The following USP10 variants were observed in gnomAD, a reference collection of about 807,000 sequenced individuals.
The protein encoded by USP10 is ubiquitin carboxyl-terminal hydrolase 10.
USP10 carries 22 observed loss-of-function variants against 84.5 expected under a neutral mutation model. The observed-to-expected ratio is 0.26, with a 90% CI of 0.19 to 0.37. The LOEUF is 0.37. Ranked by LOEUF, USP10 falls within the 10% of genes least tolerant of loss-of-function variation. The pLI is 1.00. For synonymous variants in USP10, 454 were observed against 387.6 expected, an observed-to-expected ratio of 1.17 and a Z score of -2.01; for missense variants, 1,019 against 998.9, an observed-to-expected ratio of 1.02 and a Z score of -0.27.
intron 1 of USP10, among the ~76,000 whole-genome samples, chr16:84,701,952 T>A (rs1904923125): frequency 6.6e-6 from 1 of 150,498 alleles, no homozygotes; most frequent in African/African-American, 2.4e-5. Flanking sequence ...TTTTTTTTTT[T>A]TTGAGTTGGA....
At chr16:84,710,735 G>C (rs1259971472) in intron 1 of USP10, among the ~76,000 whole-genome samples, 3 of 152,160 alleles carry the variant, frequency 2.0e-5, no homozygotes, top group Admixed American at 6.5e-5. Context: ...TTAGGTTTGT[G>C]ATCCTCGAGT....
chr16:84,733,287 G>C (rs973873658), intron 1 of USP10, 148 bp from the exon 2 acceptor site: 5 of 635,752 alleles, frequency 7.9e-6, no homozygotes, highest in South Asian at 1.9e-5. Context: ...CTAGAACTCT[G>C]AGTTGCAGAT....
At chr16:84,762,246 G>A (rs1913291274) in intron 8 of USP10, among the ~76,000 whole-genome samples, 1 of 152,228 alleles carries the variant, frequency 6.6e-6, no homozygotes, top group Non-Finnish European at 1.5e-5. Flanking sequence ...CATCATCAAA[G>A]ACAGACAGAA....
At chr16:84,757,293 A>G (rs912208030) in intron 4 of USP10, among the ~76,000 whole-genome samples, 3 of 152,144 alleles carry the variant, frequency 2.0e-5, no homozygotes, top group African/African-American at 4.8e-5. Context: ...AGAATCTGTA[A>G]TATTTTACTT....
intron 1 of USP10, among the ~76,000 whole-genome samples, chr16:84,727,614 C>A (rs533855040): frequency 6.6e-6 from 1 of 152,328 alleles, no homozygotes; most frequent in African/African-American, 2.4e-5. Flanking sequence ...TTTGCTTAAT[C>A]ATTTGTGTGT....
intron 1 of USP10, chr16:84,704,633 G>T: frequency 7.3e-7 from 1 of 1,368,494 alleles, no homozygotes; most frequent in Non-Finnish European, 9.6e-7. Context: ...TATGTGTATA[G>T]TATTTGTTTC....
At chr16:84,705,206 G>A (rs1209562319) in intron 1 of USP10, among the ~76,000 whole-genome samples, 1 of 151,908 alleles carries the variant, frequency 6.6e-6, no homozygotes, top group Non-Finnish European at 1.5e-5. Flanking sequence ...AAAGGTGAGT[G>A]TCCCCACTCC....
chr16:84,766,694 A>C (rs1913902209), intron 10 of USP10, among the ~76,000 whole-genome samples: 1 of 152,194 alleles, frequency 6.6e-6, no homozygotes, highest in Non-Finnish European at 1.5e-5. Context: ...GTCCATTTGG[A>C]GGACTTGCTG....
At chr16:84,742,870 C>G (rs1043485719) in intron 3 of USP10, among the ~76,000 whole-genome samples, 2 of 152,188 alleles carry the variant, frequency 1.3e-5, no homozygotes, top group South Asian at 2.1e-4. Context: ...ACATCACATT[C>G]TAGAATGTTT....
intron 1 of USP10, among the ~76,000 whole-genome samples, chr16:84,705,947 C>G (rs1268420575): frequency 6.6e-6 from 1 of 151,978 alleles, no homozygotes; most frequent in South Asian, 2.1e-4. Flanking sequence ...GTGTGGAACT[C>G]CTCACCTCAG....
chr16:84,708,918 C>G (rs1370837942), intron 1 of USP10: 1 of 152,202 alleles, frequency 6.6e-6, no homozygotes, highest in East Asian at 1.9e-4. Context: ...GAGAGAATTC[C>G]TGTGCTTTAG....
intron 2 of USP10, among the ~76,000 whole-genome samples, chr16:84,734,764 A>G (rs1267432876): frequency 6.6e-6 from 1 of 152,092 alleles, no homozygotes; most frequent in Non-Finnish European, 1.5e-5. Context: ...AAAAGTTTTC[A>G]GATTTTGTTT....
chr16:84,702,043 CTCTTTT>C (rs1340452007), intron 1 of USP10, among the ~76,000 whole-genome samples: 1 of 58,662 alleles, frequency 1.7e-5, no homozygotes, highest in African/African-American at 6.4e-5. Context: ...TGGAGTTTCG[CTCTTTT>C]TTTTTTTTTT....
intron 1 of USP10, among the ~76,000 whole-genome samples, chr16:84,721,760 C>T (rs1233641157): frequency 1.3e-5 from 2 of 152,036 alleles, no homozygotes; most frequent in African/African-American, 4.8e-5. Flanking sequence ...TGCAGTGGCG[C>T]GATCACAGCT....
At chr16:84,720,612 C>T (rs1455934364) in intron 1 of USP10, among the ~76,000 whole-genome samples, 12 of 92,472 alleles carry the variant, frequency 1.3e-4, no homozygotes, top group Admixed American at 3.9e-4. Flanking sequence ...GATGGAGCCT[C>T]GCTGTGTTGC....
At chr16:84,769,257 G>A (rs1168007194) in intron 11 of USP10, among the ~76,000 whole-genome samples, 1 of 152,180 alleles carries the variant, frequency 6.6e-6, no homozygotes, top group Non-Finnish European at 1.5e-5. Context: ...ATCTATCCTT[G>A]GCTTATCTTG....
intron 12 of USP10, 109 bp downstream of exon 12, chr16:84,772,794 C>A: frequency 7.2e-7 from 1 of 1,381,926 alleles, no homozygotes; most frequent in Non-Finnish European, 9.8e-7. Context: ...CATTCTCTTG[C>A]TGGACGTGGA....
At chr16:84,732,444 CTT>C (rs762146698) in intron 1 of USP10, 662 of 314,388 alleles carry the variant, frequency 2.1e-3, no homozygotes, top group Middle Eastern at 6.0e-3. Context: ...TCTTCTTCTT[CTT>C]TTTTTTTTTT....
chr16:84,730,780 C>T (rs982124269), intron 1 of USP10, among the ~76,000 whole-genome samples: 1 of 152,094 alleles, frequency 6.6e-6, no homozygotes, highest in Non-Finnish European at 1.5e-5. Flanking sequence ...AGAAAGTGTG[C>T]TTAGAAGTAT....
Sources: gnomAD v4.1 joint callset for allele counts (sites outside exome capture counted in the v4.1 genomes callset) on GRCh38, gnomAD v4.1.1 for gene constraint, MANE v1.5 for transcripts, NCBI Gene and HGNC (gene_info 2026-07-23, HGNC 2026-07-21) for gene names.